The following QTGAL variants were observed in gnomAD, a reference collection of about 807,000 sequenced individuals.
The protein encoded by QTGAL is queuosine-tRNA galactosyltransferase, also known as BGnT-like protein 1.
the QTGAL span, among the ~76,000 whole-genome samples, chr17:83,038,674 C>T: frequency 2.6e-5 from 4 of 152,024 alleles, no homozygotes; most frequent in South Asian, 6.2e-4. Flanking sequence ...CTGGCTAACA[C>T]GGTGAAACCC....
the QTGAL span, among the ~76,000 whole-genome samples, chr17:82,991,576 TC>T: frequency 2.6e-5 from 4 of 152,146 alleles, no homozygotes; most frequent in South Asian, 8.3e-4. Flanking sequence ...GGAAAGCCTT[TC>T]CAAGAAGGAC....
the QTGAL span, among the ~76,000 whole-genome samples, chr17:83,039,030 AC>A: frequency 6.6e-6 from 1 of 152,146 alleles, no homozygotes; most frequent in East Asian, 1.9e-4. Context: ...TTGGGAAAAA[AC>A]ATCTTCCAAA....
chr17:83,023,929 G>T, the QTGAL span, among the ~76,000 whole-genome samples: 1 of 152,202 alleles, frequency 6.6e-6, no homozygotes, highest in Admixed American at 6.5e-5. Context: ...TCGATTTTCT[G>T]CAAATTAGCA....
chr17:82,977,764 G>A, the QTGAL span, among the ~76,000 whole-genome samples: 1 of 152,172 alleles, frequency 6.6e-6, no homozygotes, highest in Non-Finnish European at 1.5e-5. Context: ...GAAGCCGGCT[G>A]ATTCCAGTCT....
the QTGAL span, among the ~76,000 whole-genome samples, chr17:83,024,567 T>C: frequency 5.9e-5 from 9 of 151,696 alleles, no homozygotes; most frequent in Non-Finnish European, 1.2e-4. Flanking sequence ...CCGGGCTCTC[T>C]GTGCGGAGGG....
the QTGAL span, among the ~76,000 whole-genome samples, chr17:83,041,598 C>T: frequency 6.6e-6 from 1 of 152,246 alleles, no homozygotes; most frequent in Non-Finnish European, 1.5e-5. Flanking sequence ...CACACAGATG[C>T]TCCTCAACTG....
chr17:83,040,385 C>T, the QTGAL span, among the ~76,000 whole-genome samples: 2 of 151,984 alleles, frequency 1.3e-5, no homozygotes, highest in African/African-American at 4.8e-5. Flanking sequence ...TTTTTCAAGT[C>T]TTATATGGAA....
At chr17:82,999,292 TTGTACATATGTTCACTGTCATGCACA>T in the QTGAL span, among the ~76,000 whole-genome samples, 1 of 151,826 alleles carries the variant, frequency 6.6e-6, no homozygotes. Context: ...ACACAAAGGC[TTGTACATATGTTCACTGTCATGCACA>T]AAGGCTTGTA....
At chr17:82,975,101 C>T in the QTGAL span, among the ~76,000 whole-genome samples, 1 of 86,038 alleles carries the variant, frequency 1.2e-5, no homozygotes, top group Non-Finnish European at 2.2e-5. Context: ...TATGGAGAGT[C>T]AGGGCCCCGG....
the QTGAL span, among the ~76,000 whole-genome samples, chr17:83,050,336 C>T: frequency 6.6e-6 from 1 of 151,994 alleles, no homozygotes; most frequent in Non-Finnish European, 1.5e-5. Context: ...CGCCATTGTA[C>T]TCCAGCCTGG....
At chr17:82,942,630 T>C in the QTGAL span, 1 of 819,184 alleles carries the variant, frequency 1.2e-6, no homozygotes, top group Non-Finnish European at 2.0e-6. Context: ...GCACCTGCGC[T>C]CTGGTGACTT....
the QTGAL span, among the ~76,000 whole-genome samples, chr17:83,029,949 T>C: frequency 6.6e-6 from 1 of 152,230 alleles, no homozygotes; most frequent in African/African-American, 2.4e-5. Flanking sequence ...CTGCCTTTCT[T>C]GACCTACAAC....
the QTGAL span, among the ~76,000 whole-genome samples, chr17:82,970,576 C>T: frequency 7.4e-3 from 899 of 121,976 alleles, 120 homozygotes; most frequent in Middle Eastern, 0.024. Flanking sequence ...CCGCACCCGG[C>T]GTGGCCGCGA....
chr17:83,009,424 A>G, the QTGAL span, among the ~76,000 whole-genome samples: 1 of 147,206 alleles, frequency 6.8e-6, no homozygotes, highest in African/African-American at 2.5e-5. Flanking sequence ...ACTCCATCTC[A>G]AAAAAAAAAA....
At chr17:83,051,632 C>T in the QTGAL span, 3 of 1,128,052 alleles carry the variant, frequency 2.7e-6, no homozygotes, top group Admixed American at 7.6e-5. Context: ...GCCCGAGAGG[C>T]GGTGCGGGGC....
chr17:82,979,928 T>C, the QTGAL span, among the ~76,000 whole-genome samples: 1 of 152,314 alleles, frequency 6.6e-6, no homozygotes, highest in South Asian at 2.1e-4. Context: ...ACCCACACTC[T>C]GTGGTCAGAT....
the QTGAL span, chr17:82,945,365 TCC>T: frequency 2.0e-5 from 3 of 152,086 alleles, no homozygotes; most frequent in African/African-American, 7.2e-5. Flanking sequence ...CATGCAACAG[TCC>T]CCAGATACAG....
the QTGAL span, among the ~76,000 whole-genome samples, chr17:83,044,355 T>C: frequency 3.3e-5 from 5 of 152,302 alleles, no homozygotes; most frequent in East Asian, 9.6e-4. Context: ...CAACGTAACA[T>C]ACCATCTTAA....
At chr17:83,036,710 G>A in the QTGAL span, among the ~76,000 whole-genome samples, 1 of 152,120 alleles carries the variant, frequency 6.6e-6, no homozygotes, top group African/African-American at 2.4e-5. Flanking sequence ...AGGCAGCCCA[G>A]GGCAGACCAC....
Sources: gnomAD v4.1 joint callset for allele counts (sites outside exome capture counted in the v4.1 genomes callset) on GRCh38, gnomAD v4.1.1 for gene constraint, MANE v1.5 for transcripts, NCBI Gene and HGNC (gene_info 2026-07-23, HGNC 2026-07-21) for gene names.